FCRL1: variants seen among roughly 807,000 people sequenced by gnomAD.
FCRL1 encodes the protein Fc receptor like 1, also known as Fc receptor-like protein 1.
A neutral mutation model predicts 49.2 loss-of-function variants in FCRL1; 34 were observed. The observed-to-expected ratio is 0.69, with a 90% CI of 0.53 to 0.92. The LOEUF is 0.92. FCRL1 is among the 40% of genes least tolerant of loss of function. The pLI, the probability that FCRL1 is intolerant of heterozygous loss-of-function variation, is 0.00. For synonymous variants in FCRL1, 218 were observed against 201.6 expected, an observed-to-expected ratio of 1.08 and a Z score of -0.69; for missense variants, 524 against 524.1, an observed-to-expected ratio of 1.00 and a Z score of 0.00.
At chr1:157,810,454 G>T (rs1006322530) in intron 1 of FCRL1, among the ~76,000 whole-genome samples, 1 of 151,820 alleles carries the variant, frequency 6.6e-6, no homozygotes, top group Non-Finnish European at 1.5e-5. Context: ...GCACCACCTC[G>T]CCTGGCTAAT....
chr1:157,807,239 C>T (rs1175186400), intron 1 of FCRL1, 117 bp from the exon 2 acceptor site: 5 of 982,080 alleles, frequency 5.1e-6, no homozygotes, highest in South Asian at 1.8e-5. Context: ...ACCCTCCCTG[C>T]ATCTCTCTCT....
chr1:157,819,962 A>G (rs376405619), intron 1 of FCRL1, 45 bp downstream of exon 1: 3 of 1,612,130 alleles, frequency 1.9e-6, no homozygotes, highest in Non-Finnish European at 2.5e-6. Flanking sequence ...AGCAGAGCCC[A>G]AGCATGATTG....
chr1:157,803,845 T>A lies in FCRL1; in HGVS notation c.319A>T (p.Arg107Trp). 1 of 1,613,504 alleles carries A rather than the reference T, an allele frequency of 6.2e-7. No homozygotes were observed. The highest frequency in any genetic ancestry group is 1.7e-5 in the Admixed American group (1 of 60,006). The change falls in exon 3 of 11, where the codon AGG becomes TGG. Residue 107 changes from arginine to tryptophan, a missense_variant and splice_region_variant. Physicochemically the swap from Arg to Trp is moderately radical, Grantham distance 101. Coordinates refer to ENST00000368176, the MANE Select transcript of FCRL1 (RefSeq NM_052938.5). ...RSRRSQINVH[R>W]VPVADVSLET... ...GCAGACTGACCCCACTGACACTCAC[T>A]GTGCACATTTATCTGGGATCTCCTG...
intron 9 of FCRL1, chr1:157,797,538 T>C: frequency 1.7e-6 from 1 of 601,744 alleles, no homozygotes; most frequent in Non-Finnish European, 2.9e-6. Flanking sequence ...ATGTAGGCCA[T>C]ACAATGACAC....
In FCRL1 at chr1:157,795,972, G is replaced by A; in HGVS notation, c.*127C>T. The stretch of plus-strand genomic sequence containing the variant: ...TCACTTCACAGTAGATGAAGGAATA[G>A]TGCCATGGAGAATGGCATCCAGAAG... On this transcript the variant is annotated 3_prime_UTR_variant, in exon 11 of 11. Coordinates refer to ENST00000368176, the MANE Select transcript of FCRL1 (RefSeq NM_052938.5). 2 of 790,904 alleles carry A rather than the reference G, an allele frequency of 2.5e-6. No individual in the cohort carries two copies. The highest frequency in any genetic ancestry group is 4.3e-6 in the Non-Finnish European group (2 of 460,474). The allele number at this position is 790,904 out of a possible 1,614,324, so 49.0% of individuals were successfully genotyped here.
chr1:157,806,910 G>A (rs954196167), intron 2 of FCRL1, 192 bp downstream of exon 2: 20 of 578,884 alleles, frequency 3.5e-5, no homozygotes, highest in Admixed American at 6.5e-5. Context: ...CGTGTCAGGT[G>A]CAGAGACTGA....
Position 157,802,735 on chromosome 1 carries a change from C to T in FCRL1, c.320-71G>A, listed in dbSNP as rs368975855. The T allele has an allele frequency of 3.1e-5, 46 of 1,472,260 alleles. No homozygotes were observed. The East Asian group carries it at 4.1e-4, about 13-fold the overall frequency. The allele number at this position is 1,472,260 out of a possible 1,614,324, so 91.2% of individuals were successfully genotyped here. ...TTTCAAAGACAGTAAGTAGATATGA[C>T]GGTCCTGAAAGCAAAGAGCATGAGT... On this transcript the variant is annotated intron_variant, in intron 3 of 10. Coordinates refer to ENST00000368176, the MANE Select transcript of FCRL1 (RefSeq NM_052938.5).
chr1:157,798,821 G>A lies in FCRL1; in HGVS notation c.1032-578C>T, dbSNP rs144074335. 6.3e-3 allele frequency among the ~76,000 whole-genome samples: 964 copies of A among 152,178 alleles called. 8 individuals carry two copies. The highest frequency in any genetic ancestry group is 0.022 in the African/African-American group (923 of 41,492). On this transcript the variant is annotated intron_variant, in intron 7 of 10. Transcript: ENST00000368176. ...ATAACTGTTCAGTATGTTCATTCCTGTCTGTCTTACATTCCAGAAATGTAC... is the reference window on the plus strand; with the variant it reads ...ATAACTGTTCAGTATGTTCATTCCTATCTGTCTTACATTCCAGAAATGTAC...
At chr1:157,796,868 T>A (rs1651570533) in intron 10 of FCRL1, among the ~76,000 whole-genome samples, 1 of 152,248 alleles carries the variant, frequency 6.6e-6, no homozygotes, top group African/African-American at 2.4e-5. Context: ...TAGCTAAAAA[T>A]CATTCATGTG....
At chr1:157,808,845 G>A (rs560112663) in intron 1 of FCRL1, among the ~76,000 whole-genome samples, 10 of 152,236 alleles carry the variant, frequency 6.6e-5, no homozygotes, top group African/African-American at 2.2e-4. Context: ...AATTGCTTAT[G>A]GATTAAATAG....
Position 157,801,954 on chromosome 1 carries a change from C to G in FCRL1, c.847G>C (p.Gly283Arg). ...NYSCEANNGL[G>R]AQRSEAVTLN... ...GTCACCGCCTCACTGCGCTGGGCCC[C>G]CAGGCCATTGTTGGCCTCACAGGAG... The change falls in exon 5 of 11, where the codon GGG becomes CGG. Residue 283 changes from glycine to arginine, a missense_variant. Transcript: ENST00000368176. The G allele has an allele frequency of 6.2e-6, 10 of 1,614,234 alleles. No homozygotes were observed. Among genetic ancestry groups the G allele is most frequent in the Non-Finnish European group, 8.5e-6 (10 of 1,180,020 alleles).
intron 1 of FCRL1, among the ~76,000 whole-genome samples, chr1:157,818,515 A>T (rs916306400): frequency 1.3e-5 from 2 of 152,114 alleles, no homozygotes; most frequent in African/African-American, 4.8e-5. Flanking sequence ...GTGGGGAAGG[A>T]GGAATGAGGG....
chr1:157,801,468 T>C lies in FCRL1; in HGVS notation c.996A>G (p.Arg332=). Residue 332 remains arginine (R), a synonymous_variant, in exon 6 of 11, where the codon AGA becomes AGG. Transcript: ENST00000368176. ...CTCTCTTTAAATACTAACCTATTTT[T>C]CTTTTGAGGCCGTAGCAAAATAATA... The part of the protein sequence containing the change: ...VALLFCYGLK[R]KIGRRSARDP... 1 of 1,606,094 alleles carries C rather than the reference T, an allele frequency of 6.2e-7. No individual in the cohort carries two copies. The highest frequency in any genetic ancestry group is 8.5e-7 in the Non-Finnish European group (1 of 1,173,346).
At chr1:157,819,035 T>A (rs1157429955) in intron 1 of FCRL1, among the ~76,000 whole-genome samples, 3 of 152,140 alleles carry the variant, frequency 2.0e-5, no homozygotes, top group Admixed American at 2.0e-4. Flanking sequence ...TGTATGTGAA[T>A]GCAGAGGTGA....
Position 157,796,037 on chromosome 1 carries a change from A to C in FCRL1, c.*62T>G. 2 of 1,365,490 alleles carry C rather than the reference A, an allele frequency of 1.5e-6. No homozygotes were observed. The highest frequency in any genetic ancestry group is 1.8e-4 in the Middle Eastern group (1 of 5,576). The allele number at this position is 1,365,490 out of a possible 1,614,324, so 84.6% of individuals were successfully genotyped here. ...GCTAATGCCCCAGGATCTCTGAAGA[A>C]CATATCAGGCCTGAGGCTTGGGGTC... is the stretch of plus-strand genomic sequence containing the variant. On this transcript the variant is annotated 3_prime_UTR_variant, in exon 11 of 11. Transcript: ENST00000368176.
At position 157,794,531 on chromosome 1, in the gene FCRL1, T is replaced by C. The variant is rs1354162268; in HGVS notation, c.*1568A>G. 6.6e-6 allele frequency: 1 copy of C among 152,224 alleles called. No individual in the cohort carries two copies. The highest frequency in any genetic ancestry group is 2.4e-5 in the African/African-American group (1 of 41,464). 9.4% of individuals were successfully genotyped at this position (152,224 alleles called of 1,614,324 possible). A position where few individuals can be genotyped will look rare whatever the true frequency, so the allele number is the denominator to read the frequency against. On this transcript the variant is annotated 3_prime_UTR_variant, in exon 11 of 11. Coordinates refer to ENST00000368176, the MANE Select transcript of FCRL1 (RefSeq NM_052938.5). Reference sequence around the variant, plus strand: ...TTGATACAGCCTTACCTGAGAGACATTGAAGACTATTTAACAAGAATATTT... The same window carrying C: ...TTGATACAGCCTTACCTGAGAGACACTGAAGACTATTTAACAAGAATATTT...
chr1:157,802,238 G>C (rs759186687), intron 4 of FCRL1, 45 bp from the exon 5 acceptor site: 1 of 1,589,856 alleles, frequency 6.3e-7, no homozygotes, highest in African/African-American at 1.3e-5. Context: ...TGACAATGCA[G>C]CAAACTCATA....
At chr1:157,819,802 A>G (rs1655543567) in intron 1 of FCRL1, among the ~76,000 whole-genome samples, 1 of 152,180 alleles carries the variant, frequency 6.6e-6, no homozygotes, top group Admixed American at 6.5e-5. Flanking sequence ...ATAAAAACTG[A>G]AATGATAGTT....
Position 157,802,591 on chromosome 1 carries a change from G to T in FCRL1, c.393C>A (p.Val131=). The change falls in exon 4 of 11, where the codon GTC becomes GTA. Residue 131 remains valine (V), a synonymous_variant. Coordinates refer to ENST00000368176, the MANE Select transcript of FCRL1 (RefSeq NM_052938.5). ...GGQVMEGDRL[V]LICSVAMGTG... is the part of the protein sequence containing the mutation. ...TGCCCATAGCAACTGAGCAGATGAG[G>T]ACCAGCCTGTCTCCCTCCATCACCT... The T allele has an allele frequency of 6.2e-7, 1 of 1,614,172 alleles. No individual in the cohort carries two copies. The highest frequency in any genetic ancestry group is 8.5e-7 in the Non-Finnish European group (1 of 1,180,040).
Sources: allele counts gnomAD v4.1 joint callset (sites outside exome capture counted in the v4.1 genomes callset), GRCh38; gene constraint gnomAD v4.1.1; transcripts MANE v1.5; gene names NCBI Gene and HGNC (gene_info 2026-07-23, HGNC 2026-07-21).